Variants in SLC6A13 observed in about 807,000 individuals in gnomAD.
SLC6A13 encodes the protein solute carrier family 6 member 13.
SLC6A13 carries 69 observed loss-of-function variants against 72.9 expected under a neutral mutation model. That is an observed-to-expected ratio of 0.95 (90% confidence interval 0.78 to 1.16). The LOEUF (loss-of-function observed/expected upper bound fraction) is 1.16, where lower values mean the gene tolerates loss of function less well. SLC6A13 is among the 50% of genes most tolerant of loss of function. The probability of loss-of-function intolerance (pLI) is 0.00; values close to 1 mark genes in which losing one functional copy is unlikely to be tolerated. For synonymous variants in SLC6A13, 303 were observed against 303.0 expected, an observed-to-expected ratio of 1.00 and a Z score of 0.00; for missense variants, 735 against 760.5, an observed-to-expected ratio of 0.97 and a Z score of 0.39.
At chr12:228,295 G>A (rs369042669) in intron 7 of SLC6A13, among the ~76,000 whole-genome samples, 11 of 152,250 alleles carry the variant, frequency 7.2e-5, no homozygotes, top group Non-Finnish European at 1.6e-4. Context: ...CGCCCAGCCC[G>A]TGCATGTTAT....
chr12:257,852 G>A (rs964752463), intron 2 of SLC6A13, among the ~76,000 whole-genome samples: 3 of 152,090 alleles, frequency 2.0e-5, no homozygotes, highest in African/African-American at 4.8e-5. Context: ...CCACCTCTTC[G>A]TGCCATTCCT....
intron 7 of SLC6A13, among the ~76,000 whole-genome samples, chr12:229,897 G>T (rs764999588): frequency 6.6e-6 from 1 of 152,174 alleles, no homozygotes; most frequent in Non-Finnish European, 1.5e-5. Flanking sequence ...GGGGTGGGAG[G>T]TCGGAGTGGG....
At chr12:259,192 G>A (rs1414717207) in intron 2 of SLC6A13, 1 of 912,646 alleles carries the variant, frequency 1.1e-6, no homozygotes, top group Non-Finnish European at 1.3e-6. Context: ...CATCAGCAGA[G>A]CTACTATTTA....
At chr12:231,560 G>C (rs775991891) in intron 7 of SLC6A13, among the ~76,000 whole-genome samples, 8 of 152,124 alleles carry the variant, frequency 5.3e-5, no homozygotes, top group South Asian at 4.2e-4. Flanking sequence ...AGAGAAGAAG[G>C]CTGCTCAGGA....
At chr12:261,156 TC>T (rs1330033305) in intron 1 of SLC6A13, among the ~76,000 whole-genome samples, 3 of 152,214 alleles carry the variant, frequency 2.0e-5, no homozygotes, top group African/African-American at 7.2e-5. Flanking sequence ...AATGGCCCAT[TC>T]CAGACCACTG....
At chr12:261,141 T>C (rs1942914211) in intron 1 of SLC6A13, among the ~76,000 whole-genome samples, 1 of 152,224 alleles carries the variant, frequency 6.6e-6, no homozygotes. Context: ...CCATTCACTG[T>C]CAGAAATGGC....
In SLC6A13 at chr12:246,428, T is replaced by G. The variant is rs1330429428; in HGVS notation, c.203-2615A>C. ...GGAAAGCAAAGAATCAGGAAAATGT[T>G]ACTCATAGCAAGGAGATTGAACCTG... On this transcript the variant is annotated intron_variant, in intron 2 of 14. Coordinates refer to ENST00000343164, the MANE Select transcript of SLC6A13 (RefSeq NM_016615.5). Among the ~76,000 whole-genome samples the G allele has an allele frequency of 2.6e-5, 4 of 152,348 alleles. No homozygotes were observed. In the East Asian group the frequency reaches 5.8e-4, roughly 22 times the overall value.
chr12:230,216 G>A (rs1312362484), intron 7 of SLC6A13, among the ~76,000 whole-genome samples: 4 of 152,104 alleles, frequency 2.6e-5, no homozygotes, highest in Non-Finnish European at 5.9e-5. Flanking sequence ...GCCGACCAAG[G>A]GAAAAATAAG....
chr12:247,903 G>A (rs1942408779), intron 2 of SLC6A13, among the ~76,000 whole-genome samples: 1 of 152,144 alleles, frequency 6.6e-6, no homozygotes, highest in East Asian at 1.9e-4. Flanking sequence ...AGTGTGATAA[G>A]TTAAAGATGT....
At chr12:226,039 C>A (rs1030789385) in intron 9 of SLC6A13, among the ~76,000 whole-genome samples, 1 of 151,988 alleles carries the variant, frequency 6.6e-6, no homozygotes, top group South Asian at 2.1e-4. Context: ...AAGAAGGAGG[C>A]AAGAAATAGA....
Position 259,357 on chromosome 12 carries a change from G to A in SLC6A13, c.202+494C>T, listed in dbSNP as rs865779023. 251 of 1,011,790 alleles carry A rather than the reference G, an allele frequency of 2.5e-4. No homozygotes were observed. The African/African-American group carries it at 4.3e-3, about 17-fold the overall frequency. The allele number at this position is 1,011,790 out of a possible 1,614,324, so 62.7% of individuals were successfully genotyped here. A position where few individuals can be genotyped will look rare whatever the true frequency, so the allele number is the denominator to read the frequency against. ...ACCACAGAACAGTTTGGTTATCAAC[G>A]TCATCATCAGCAGAGCTACTATTTA... On this transcript the variant is annotated intron_variant, in intron 2 of 14. Transcript: ENST00000343164.
At chr12:247,242 A>T (rs1012243145) in intron 2 of SLC6A13, among the ~76,000 whole-genome samples, 7 of 149,260 alleles carry the variant, frequency 4.7e-5, no homozygotes, top group Non-Finnish European at 7.5e-5. Flanking sequence ...CACCAAGATT[A>T]AAAAAAAAAT....
At chr12:233,269 C>A (rs1221373976) in intron 7 of SLC6A13, among the ~76,000 whole-genome samples, 3 of 152,184 alleles carry the variant, frequency 2.0e-5, no homozygotes, top group Non-Finnish European at 2.9e-5. Context: ...TACCCACGCA[C>A]CCCTCCGGCC....
Position 243,741 on chromosome 12 carries a change from A to T in SLC6A13, c.275T>A (p.Leu92Gln). 1 of 1,613,914 alleles carries T rather than the reference A, an allele frequency of 6.2e-7. No individual in the cohort carries two copies. The highest frequency in any genetic ancestry group is 8.5e-7 in the Non-Finnish European group (1 of 1,179,732). Residue 92 changes from leucine to glutamine, a missense_variant, in exon 3 of 15, where the codon CTA (leucine) becomes CAA (glutamine). By Grantham distance (113) the Leu-to-Gln change is moderately radical (BLOSUM62 -2). Coordinates refer to ENST00000343164, the MANE Select transcript of SLC6A13 (RefSeq NM_016615.5). ...GIPVFLLETA[L>Q]GQYTSQGGVT... ...GCCTCCCTGGCTAGTGTACTGGCCT[A>T]GTGCTGTCTCCAGAAGGAAGACAGG...
In SLC6A13 at chr12:222,623, C is replaced by T. The variant is rs139777154; in HGVS notation, c.1424G>A (p.Arg475His). 5.2e-5 allele frequency: 83 copies of T among 1,602,916 alleles called. No individual in the cohort carries two copies. In the Middle Eastern group the frequency reaches 6.6e-4, roughly 13 times the overall value. ...CATGTCTTCGATGTTGTCGTAGAAG[C>T]GCTTGGCTCCTACCATGGAGAAAAG... Reference protein sequence around the residue: ...LCVAWVYGAKRFYDNIEDMIG... With the variant: ...LCVAWVYGAKHFYDNIEDMIG... Residue 475 changes from arginine to histidine, a missense_variant, in exon 13 of 15, where the codon CGC becomes CAC. By Grantham distance (29) the Arg-to-His change is conservative (BLOSUM62 0). Coordinates refer to ENST00000343164, the MANE Select transcript of SLC6A13 (RefSeq NM_016615.5).
intron 7 of SLC6A13, among the ~76,000 whole-genome samples, chr12:231,121 G>C (rs1941690781): frequency 6.6e-6 from 1 of 152,214 alleles, no homozygotes; most frequent in Admixed American, 6.5e-5. Flanking sequence ...CACAGGGCCA[G>C]GACCCGGGAA....
intron 7 of SLC6A13, among the ~76,000 whole-genome samples, chr12:228,640 C>T (rs907222320): frequency 6.6e-6 from 1 of 152,218 alleles, no homozygotes; most frequent in Admixed American, 6.5e-5. Flanking sequence ...TCCTCAGTCC[C>T]TTCCTGGTCT....
At chr12:237,367 G>A (rs939691822) in intron 5 of SLC6A13, 77 bp from the exon 6 acceptor site, 1 of 1,513,830 alleles carries the variant, frequency 6.6e-7, no homozygotes. Context: ...GGACAGTGGA[G>A]CTGAGCCTGC....
At chr12:234,991 G>T (rs901659963) in intron 7 of SLC6A13, 99 bp downstream of exon 7, 4 of 1,375,024 alleles carry the variant, frequency 2.9e-6, no homozygotes, top group African/African-American at 1.4e-5. Context: ...ACACCCTAGG[G>T]TAGTGCTAGG....
Sources: gnomAD v4.1 joint callset for allele counts (sites outside exome capture counted in the v4.1 genomes callset) on GRCh38, gnomAD v4.1.1 for gene constraint, MANE v1.5 for transcripts, NCBI Gene and HGNC (gene_info 2026-07-23, HGNC 2026-07-21) for gene names.